LEMD3: variants seen among roughly 807,000 people sequenced by gnomAD.
The protein encoded by LEMD3 is LEM domain containing 3.
A neutral mutation model predicts 95.2 loss-of-function variants in LEMD3; 33 were observed. The observed-to-expected ratio is 0.35, with a 90% CI of 0.26 to 0.46. The LOEUF (loss-of-function observed/expected upper bound fraction) is 0.46. Among genes scored for constraint, LEMD3 ranks in the 20% least tolerant of loss-of-function variants. LEMD3 has a pLI of 1.00. For synonymous variants in LEMD3, 525 were observed against 474.6 expected, an observed-to-expected ratio of 1.11 and a Z score of -1.38; for missense variants, 1,210 against 1,192.8, an observed-to-expected ratio of 1.01 and a Z score of -0.21.
At chr12:65,233,125 A>G (rs1870678514) in intron 4 of LEMD3, among the ~76,000 whole-genome samples, 1 of 152,298 alleles carries the variant, frequency 6.6e-6, no homozygotes, top group South Asian at 2.1e-4. Flanking sequence ...TATTAGACCC[A>G]TTTCATAAAG....
chr12:65,216,713 A>G (rs1183464008), intron 3 of LEMD3, among the ~76,000 whole-genome samples: 2 of 152,104 alleles, frequency 1.3e-5, no homozygotes, highest in Non-Finnish European at 2.9e-5. Context: ...GCAGTTTTCA[A>G]ACTTTTCTAT....
chr12:65,180,972 A>G (rs186150845), intron 1 of LEMD3, among the ~76,000 whole-genome samples: 1 of 151,632 alleles, frequency 6.6e-6, no homozygotes, highest in Admixed American at 6.6e-5. Flanking sequence ...GCTCATATAT[A>G]TCTGAGTATG....
chr12:65,210,953 G>A lies in LEMD3; in HGVS notation c.1550G>A (p.Gly517Glu), dbSNP rs1369795441. The A allele has an allele frequency of 3.1e-6, 5 of 1,592,152 alleles. No homozygotes were observed. In the Admixed American group the frequency reaches 6.7e-5, roughly 21 times the overall value. The part of the protein sequence containing the change: ...SIENPFGETF[G>E]KIQESEKTLM... ...GAAAACCCCTTTGGTGAAACATTTG[G>A]AAAAATACAAGTAAGTAAACGATCA... The change falls in exon 2 of 13, where the codon GGA becomes GAA. Residue 517 changes from glycine to glutamate, a missense_variant. Around this residue, in one of 2 missense-constraint regions of LEMD3, gnomAD observed 461 missense variants for 569.8 expected, o/e 0.81. Transcript: ENST00000308330.
chr12:65,201,703 T>C (rs1358596176), intron 1 of LEMD3, among the ~76,000 whole-genome samples: 1 of 152,172 alleles, frequency 6.6e-6, no homozygotes, highest in Non-Finnish European at 1.5e-5. Context: ...TTGGATTTTC[T>C]ACATATATTG....
Position 65,170,669 on chromosome 12 carries a change from G to A in LEMD3, c.1073G>A (p.Arg358His). The change falls in exon 1 of 13, where the codon CGT becomes CAT. Residue 358 changes from arginine (R) to histidine (H), a missense_variant. Physicochemically the swap from Arg to His is conservative, Grantham distance 29 (BLOSUM62 0). Transcript: ENST00000308330. ...GACTCCAGCCCCGTTCCTAGATACCGTGTTAACGCTAAGAAACTGACCCCT... is the reference window on the plus strand; with the variant it reads ...GACTCCAGCCCCGTTCCTAGATACCATGTTAACGCTAAGAAACTGACCCCT... ...QVDSSPVPRYRVNAKKLTPLL... is the reference protein window; with the variant it reads ...QVDSSPVPRYHVNAKKLTPLL... The A allele has an allele frequency of 6.2e-7, 1 of 1,614,180 alleles. No individual in the cohort carries two copies. The highest frequency in any genetic ancestry group is 8.5e-7 in the Non-Finnish European group (1 of 1,180,030).
In LEMD3 at chr12:65,246,525, C is replaced by T. The variant is rs1592466907; in HGVS notation, c.*200C>T. The T allele has an allele frequency of 5.2e-6, 3 of 579,610 alleles. No individual in the cohort carries two copies. In the East Asian group the frequency reaches 8.8e-5, roughly 17 times the overall value. The allele number at this position is 579,610 out of a possible 1,614,324, so 35.9% of individuals were successfully genotyped here. A position where few individuals can be genotyped will look rare whatever the true frequency, so the allele number is the denominator to read the frequency against. ...GAGTAGGTAGGATAATTATTTCATT[C>T]AGTTTTTGGAGCTCAGTTAAGCCAA... On this transcript the variant is annotated 3_prime_UTR_variant, in exon 13 of 13. Coordinates refer to ENST00000308330, the MANE Select transcript of LEMD3 (RefSeq NM_014319.5).
chr12:65,238,766 C>T lies in LEMD3; in HGVS notation c.1873C>T (p.Arg625Ter), dbSNP rs749951964. Residue 625 changes from arginine (R) to a stop codon, truncating the protein, a stop_gained, in exon 6 of 13, where the codon CGA becomes TGA. Coordinates refer to ENST00000308330, the MANE Select transcript of LEMD3 (RefSeq NM_014319.5). LOFTEE classifies it high-confidence loss of function. ...ACTGATGTCTTTTTGGTGTCGTTTT[C>T]GACGTGCTTTTGTTACTGTAACTCA... Reference protein sequence around the residue: ...RPLMSFWCRFRRAFVTVTHRL... With the variant: ...RPLMSFWCRF The T allele has an allele frequency of 1.9e-6, 3 of 1,613,950 alleles. No individual in the cohort carries two copies. The highest frequency in any genetic ancestry group is 1.7e-6 in the Non-Finnish European group (2 of 1,179,946).
chr12:65,213,484 C>G (rs952314806), intron 2 of LEMD3, among the ~76,000 whole-genome samples: 3 of 152,170 alleles, frequency 2.0e-5, no homozygotes, highest in African/African-American at 7.2e-5. Flanking sequence ...GGCTCAGCCT[C>G]CCAAACTTGG....
intron 3 of LEMD3, among the ~76,000 whole-genome samples, chr12:65,217,029 T>C (rs1482016254): frequency 6.6e-6 from 1 of 152,250 alleles, no homozygotes; most frequent in Non-Finnish European, 1.5e-5. Flanking sequence ...GGGATATTGC[T>C]AACACAAGCT....
intron 1 of LEMD3, among the ~76,000 whole-genome samples, chr12:65,187,654 C>T (rs1170703239): frequency 1.3e-5 from 2 of 151,804 alleles, no homozygotes; most frequent in Non-Finnish European, 2.9e-5. Flanking sequence ...AACAGTGGTC[C>T]ATCAATCTTA....
chr12:65,197,109 A>G (rs1011951878), intron 1 of LEMD3, among the ~76,000 whole-genome samples: 3 of 152,120 alleles, frequency 2.0e-5, no homozygotes, highest in African/African-American at 7.2e-5. Context: ...TGAGTGGTTG[A>G]GGTTAAGTTT....
intron 1 of LEMD3, among the ~76,000 whole-genome samples, chr12:65,194,620 T>C (rs1049378163): frequency 6.6e-6 from 1 of 152,018 alleles, no homozygotes; most frequent in Admixed American, 6.6e-5. Context: ...AGTCTTAGGC[T>C]CTACAATACT....
chr12:65,237,055 A>G (rs866713941), intron 4 of LEMD3, among the ~76,000 whole-genome samples: 1 of 152,134 alleles, frequency 6.6e-6, no homozygotes, highest in Admixed American at 6.5e-5. Context: ...TTAGAAAGAT[A>G]TATTTACTTT....
chr12:65,175,507 C>T (rs1237403056), intron 1 of LEMD3, among the ~76,000 whole-genome samples: 2 of 152,168 alleles, frequency 1.3e-5, no homozygotes, highest in East Asian at 3.9e-4. Flanking sequence ...TCACCAGTTA[C>T]TCAATTTTCA....
chr12:65,196,849 C>A (rs749691012), intron 1 of LEMD3, among the ~76,000 whole-genome samples: 20 of 152,044 alleles, frequency 1.3e-4, no homozygotes, highest in Non-Finnish European at 2.2e-4. Flanking sequence ...GGTGGGATCT[C>A]CTTCAGACCC....
intron 1 of LEMD3, among the ~76,000 whole-genome samples, chr12:65,176,620 G>T (rs538558282): frequency 6.6e-6 from 1 of 152,298 alleles, no homozygotes; most frequent in East Asian, 1.9e-4. Flanking sequence ...TATAGGAGTA[G>T]AATACAGTGT....
chr12:65,200,166 G>A (rs545360478), intron 1 of LEMD3, among the ~76,000 whole-genome samples: 1 of 152,162 alleles, frequency 6.6e-6, no homozygotes, highest in East Asian at 1.9e-4. Context: ...GCATAAAGAT[G>A]TAACTTTGTG....
intron 1 of LEMD3, among the ~76,000 whole-genome samples, chr12:65,185,962 G>A (rs1268568070): frequency 2.6e-5 from 4 of 152,018 alleles, no homozygotes; most frequent in Non-Finnish European, 4.4e-5. Context: ...TAGCTCTATG[G>A]TAGAGACAGA....
chr12:65,227,327 G>C (rs1198577191), intron 4 of LEMD3, among the ~76,000 whole-genome samples: 10 of 152,066 alleles, frequency 6.6e-5, no homozygotes, highest in African/African-American at 2.4e-4. Flanking sequence ...TCTGAGATTT[G>C]ATCTCTGAGA....
Sources: allele counts gnomAD v4.1 joint callset (sites outside exome capture counted in the v4.1 genomes callset), GRCh38; gene constraint gnomAD v4.1.1; regional missense constraint gnomAD v4.1.1; transcripts MANE v1.5; gene names NCBI Gene and HGNC (gene_info 2026-07-23, HGNC 2026-07-21).